Variants in ST18 observed in about 807,000 individuals in gnomAD.
The protein encoded by ST18 is ST18 C2H2C-type zinc finger transcription factor.
ST18 carries 50 observed loss-of-function variants against 110.0 expected under a neutral mutation model. That is an observed-to-expected ratio of 0.45 (90% CI 0.36 to 0.58). ST18 has a LOEUF of 0.58. ST18 is among the 20% of genes least tolerant of loss of function. The probability of loss-of-function intolerance (pLI) is 0.00; values close to 1 mark genes in which losing one functional copy is unlikely to be tolerated. For synonymous variants in ST18, 461 were observed against 452.4 expected (o/e 1.02, Z -0.24); for missense variants, 1,306 against 1,280.1 (o/e 1.02, Z -0.31).
chr8:52,353,460 A>T (rs949228634), intron 2 of ST18, among the ~76,000 whole-genome samples: 1 of 152,234 alleles, frequency 6.6e-6, no homozygotes, highest in Non-Finnish European at 1.5e-5. Flanking sequence ...ATAAAGAAGA[A>T]ATAGAAAGTG....
chr8:52,187,633 G>C (rs954484221), intron 8 of ST18, among the ~76,000 whole-genome samples: 1 of 152,166 alleles, frequency 6.6e-6, no homozygotes, highest in African/African-American at 2.4e-5. Flanking sequence ...TTGAGATACT[G>C]ATGGGGAAAA....
chr8:52,185,152 A>G (rs2071517479), intron 8 of ST18, among the ~76,000 whole-genome samples: 1 of 152,182 alleles, frequency 6.6e-6, no homozygotes, highest in Admixed American at 6.5e-5. Context: ...ACCAGCCACA[A>G]ACAATTAGAA....
intron 2 of ST18, among the ~76,000 whole-genome samples, chr8:52,269,225 C>T (rs1388809075): frequency 6.6e-6 from 1 of 152,194 alleles, no homozygotes; most frequent in East Asian, 1.9e-4. Flanking sequence ...TGAGGGTTTA[C>T]ACCCAGGAAA....
At chr8:52,206,348 C>T (rs2080064374) in intron 8 of ST18, 1 of 152,238 alleles carries the variant, frequency 6.6e-6, no homozygotes, top group African/African-American at 2.4e-5. Flanking sequence ...CATACAAGAG[C>T]ATTAGAGTTC....
At chr8:52,141,077 A>T (rs1246308426) in intron 17 of ST18, among the ~76,000 whole-genome samples, 1 of 152,236 alleles carries the variant, frequency 6.6e-6, no homozygotes, top group Non-Finnish European at 1.5e-5. Context: ...GTTTGGAACC[A>T]TCCGTTGTAT....
chr8:52,166,852 T>C lies in ST18; in HGVS notation c.1204A>G (p.Ile402Val). The C allele has an allele frequency of 3.2e-6, 5 of 1,578,108 alleles. No individual in the cohort carries two copies. Among genetic ancestry groups the C allele is most frequent in the Non-Finnish European group, 4.3e-6 (5 of 1,154,560 alleles). Residue 402 changes from isoleucine to valine, a missense_variant and splice_region_variant, in exon 11 of 26, where the codon ATT becomes GTT. By Grantham distance (29) the Ile-to-Val change is conservative. Coordinates refer to ENST00000689386, the MANE Select transcript of ST18 (RefSeq NM_001352837.2). ...CPHKVRVPLEILAMHENVLKC... is the reference protein window; with the variant it reads ...CPHKVRVPLEVLAMHENVLKC... ...GCTTTGAGGGACAAGTGGTACTCACTTTCCAGGGGAACCCGCACTTTGTGG... is the reference window on the plus strand; with the variant it reads ...GCTTTGAGGGACAAGTGGTACTCACCTTCCAGGGGAACCCGCACTTTGTGG...
At chr8:52,376,127 C>T (rs1369776689) in intron 2 of ST18, among the ~76,000 whole-genome samples, 1 of 152,194 alleles carries the variant, frequency 6.6e-6, no homozygotes, top group Non-Finnish European at 1.5e-5. Context: ...TCACCTGCCC[C>T]CTATAACCGA....
chr8:52,171,650 T>C (rs751198814), intron 10 of ST18, 142 bp downstream of exon 10: 3 of 896,762 alleles, frequency 3.3e-6, no homozygotes, highest in Non-Finnish European at 5.3e-6. Flanking sequence ...AAGAAAGAAA[T>C]TGTTTATTTT....
rs1563610824 is a variant in ST18 at position 52,136,147 on chromosome 8, A to T, written c.2300+443T>A. 2.6e-5 allele frequency among the ~76,000 whole-genome samples: 4 copies of T among 152,366 alleles called. No homozygotes were observed. In the South Asian group the frequency reaches 8.3e-4, roughly 32 times the overall value. ...GACTTTGAGATCTTGTAGGTGAGGC[A>T]GGAATGAGCCCAAACTCTTGGTTTG... On this transcript the variant is annotated intron_variant, in intron 19 of 25. Transcript: ENST00000689386.
intron 2 of ST18, among the ~76,000 whole-genome samples, chr8:52,351,990 C>T (rs1160547297): frequency 2.6e-5 from 4 of 152,246 alleles, no homozygotes; most frequent in Middle Eastern, 3.4e-3. Context: ...ATGCAAGTAG[C>T]TGCAATGGAA....
chr8:52,282,928 T>G (rs1423839472), intron 2 of ST18, among the ~76,000 whole-genome samples: 1 of 151,896 alleles, frequency 6.6e-6, no homozygotes, highest in Non-Finnish European at 1.5e-5. Flanking sequence ...GTGGCATATG[T>G]GATGTGCGCT....
At chr8:52,346,258 A>G (rs1480715968) in intron 2 of ST18, among the ~76,000 whole-genome samples, 2 of 151,352 alleles carry the variant, frequency 1.3e-5, no homozygotes, top group Non-Finnish European at 1.5e-5. Flanking sequence ...TGGAATTGCC[A>G]AAATAAAAAT....
intron 2 of ST18, among the ~76,000 whole-genome samples, chr8:52,352,469 A>C (rs1202256488): frequency 6.6e-6 from 1 of 152,148 alleles, no homozygotes; most frequent in African/African-American, 2.4e-5. Context: ...CACAATCCTC[A>C]TTTTCCCCAG....
At chr8:52,141,816 C>A (rs966781782) in intron 17 of ST18, among the ~76,000 whole-genome samples, 3 of 152,116 alleles carry the variant, frequency 2.0e-5, no homozygotes, top group Admixed American at 6.5e-5. Flanking sequence ...GCACTCACTG[C>A]CCCTGTGGGG....
intron 22 of ST18, 151 bp from the exon 23 acceptor site, chr8:52,126,291 A>G: frequency 1.4e-6 from 1 of 723,106 alleles, no homozygotes. Context: ...ATGAATACAT[A>G]CCCATTAAAG....
At chr8:52,325,158 A>G (rs1391520809) in intron 2 of ST18, among the ~76,000 whole-genome samples, 2 of 152,136 alleles carry the variant, frequency 1.3e-5, no homozygotes, top group Admixed American at 6.5e-5. Flanking sequence ...GGAAACAAGG[A>G]GAAGGTAATC....
At chr8:52,194,019 G>A (rs1199092849) in intron 8 of ST18, among the ~76,000 whole-genome samples, 5 of 151,986 alleles carry the variant, frequency 3.3e-5, no homozygotes, top group Non-Finnish European at 5.9e-5. Flanking sequence ...ATCTGATAAC[G>A]TCAGGTTTAT....
At chr8:52,283,281 C>G (rs16917623) in intron 2 of ST18, among the ~76,000 whole-genome samples, 5,827 of 152,226 alleles carry the variant, frequency 0.038, 391 homozygotes, top group African/African-American at 0.13. Context: ...AGGTGACTGT[C>G]AGACATTGAA....
At chr8:52,304,726 G>A (rs2095786602) in intron 2 of ST18, among the ~76,000 whole-genome samples, 1 of 152,152 alleles carries the variant, frequency 6.6e-6, no homozygotes, top group South Asian at 2.1e-4. Context: ...GTTTTTCACA[G>A]TTCTGAAGAC....
Sources: gnomAD v4.1 joint callset for allele counts (sites outside exome capture counted in the v4.1 genomes callset) on GRCh38, gnomAD v4.1.1 for gene constraint, MANE v1.5 for transcripts, NCBI Gene and HGNC (gene_info 2026-07-23, HGNC 2026-07-21) for gene names.